The following PHACTR2 variants were observed in gnomAD, a reference collection of about 807,000 sequenced individuals.
PHACTR2 encodes the protein phosphatase and actin regulator 2.
In PHACTR2, 30 loss-of-function variants were observed where a neutral mutation model predicts 76.0. The observed-to-expected ratio is 0.39, with a 90% CI of 0.30 to 0.54. The LOEUF is 0.54. PHACTR2 is among the 20% of genes least tolerant of loss of function. The pLI is 0.61. For synonymous variants in PHACTR2, 292 were observed against 292.5 expected, an observed-to-expected ratio of 1.00 and a Z score of 0.02; for missense variants, 696 against 781.1, an observed-to-expected ratio of 0.89 and a Z score of 1.30.
In PHACTR2 at chr6:143,595,493, A is replaced by C. The variant is rs149720407; in HGVS notation, c.217+58286A>C. 1.1e-3 allele frequency among the ~76,000 whole-genome samples: 174 copies of C among 152,308 alleles called. 1 individual carries two copies. The highest frequency in any genetic ancestry group is 3.9e-3 in the African/African-American group (164 of 41,566). The stretch of plus-strand genomic sequence containing the variant: ...AGCTTAATTATTTAAATGTTTCCAG[A>C]CTCAAATGACTGATGAGCTAACATA... On this transcript the variant is annotated intron_variant, in intron 1 of 11. Transcript: ENST00000367584. The surrounding 1 kb of genome is among the most constrained non-coding windows in gnomAD (Gnocchi z 4.2).
rs1447206303 is a variant in PHACTR2 at position 143,821,881 on chromosome 6, C to T, written c.1923-1793C>T. On this transcript the variant is annotated intron_variant, in intron 12 of 12. Coordinates refer to ENST00000440869, the MANE Select transcript of PHACTR2 (RefSeq NM_001100164.2). This position sits in a 1 kb window ranked among gnomAD's most constrained non-coding sequence, Gnocchi z 5.2. ...TGGTGCATGCTTGTAGTTTCAGCTA[C>T]TTGGATGCTGAGGTGGGAGAATCAC... Among the ~76,000 whole-genome samples the T allele has an allele frequency of 1.3e-5, 2 of 152,146 alleles. No homozygotes were observed. Among genetic ancestry groups the T allele is most frequent in the Non-Finnish European group, 2.9e-5 (2 of 68,030 alleles).
chr6:143,616,904 C>G lies in PHACTR2; in HGVS notation c.13+8582C>G, dbSNP rs188866886. ...GCTGAGTGGCCGGCAAACACACACG[C>G]CCCCAGACAGGACGTTGACTGGGAT... On this transcript the variant is annotated intron_variant, in intron 1 of 11. Transcript: ENST00000305766. The surrounding 1 kb of genome is among the most constrained non-coding windows in gnomAD (Gnocchi z 4.9). 6.6e-6 allele frequency among the ~76,000 whole-genome samples: 1 copy of G among 152,066 alleles called. No individual in the cohort carries two copies. Among genetic ancestry groups the G allele is most frequent in the Non-Finnish European group, 1.5e-5 (1 of 68,026 alleles).
chr6:143,682,061 T>C (rs1179884985), intron 1 of PHACTR2, among the ~76,000 whole-genome samples: 2 of 152,234 alleles, frequency 1.3e-5, no homozygotes, highest in Non-Finnish European at 2.9e-5. Context: ...TTCCCTTACA[T>C]TTTCATATGA....
At chr6:143,657,801 C>T (rs1270259076) in intron 1 of PHACTR2, among the ~76,000 whole-genome samples, 1 of 152,090 alleles carries the variant, frequency 6.6e-6, no homozygotes, top group Non-Finnish European at 1.5e-5. Context: ...GTTGATCAGG[C>T]ATTGGATGTG....
At chr6:143,668,521 G>A (rs1224246895) in intron 1 of PHACTR2, among the ~76,000 whole-genome samples, 1 of 152,092 alleles carries the variant, frequency 6.6e-6, no homozygotes, top group Non-Finnish European at 1.5e-5. Context: ...TTTTTTGGTT[G>A]GTAGGCTATT....
rs1779256465 is a variant in PHACTR2 at position 143,754,488 on chromosome 6, C to T, written c.454+576C>T. 6.6e-6 allele frequency among the ~76,000 whole-genome samples: 1 copy of T among 152,170 alleles called. No individual in the cohort carries two copies. The highest frequency in any genetic ancestry group is 6.5e-5 in the Admixed American group (1 of 15,270). ...CTGGCTGATTCCCACAGCCTCTGTG[C>T]AATTGGAAACTTCAAAATGTGCCAG... On this transcript the variant is annotated intron_variant, in intron 4 of 12. Coordinates refer to ENST00000440869, the MANE Select transcript of PHACTR2 (RefSeq NM_001100164.2). This position sits in a 1 kb window ranked among gnomAD's most constrained non-coding sequence, Gnocchi z 6.2.
At chr6:143,587,696 G>T (rs1208071331) in intron 1 of PHACTR2, among the ~76,000 whole-genome samples, 1 of 152,066 alleles carries the variant, frequency 6.6e-6, no homozygotes, top group Non-Finnish European at 1.5e-5. Flanking sequence ...CATCCCATGG[G>T]AACTCTACCT....
At position 143,761,776 on chromosome 6, in the gene PHACTR2, T is replaced by C. The variant is rs1297407275; in HGVS notation, c.694+1136T>C. On this transcript the variant is annotated intron_variant, in intron 5 of 12. Transcript: ENST00000440869. This position sits in a 1 kb window ranked among gnomAD's most constrained non-coding sequence, Gnocchi z 5.2. ...CTCAAAAAAAAAAAATCTATTTTCC[T>C]TAAAATCAACAGCAACTTTCTAGCA... Among the ~76,000 whole-genome samples, 4 of 152,154 alleles carry C rather than the reference T, an allele frequency of 2.6e-5. No homozygotes were observed. Among genetic ancestry groups the C allele is most frequent in the Admixed American group, 2.6e-4 (4 of 15,276 alleles).
In PHACTR2 at chr6:143,548,545, CA is replaced by C. The variant is rs1775042166; in HGVS notation, c.217+11339del. The stretch of plus-strand genomic sequence containing the variant: ...GCTTCCCTTGGAATCCAATTCCACA[CA>C]CCAGCCTGGGCCAGGTAGCCATTCC... On this transcript the variant is annotated intron_variant, in intron 1 of 11. Coordinates refer to the PHACTR2 transcript ENST00000367584. The surrounding 1 kb of genome is among the most constrained non-coding windows in gnomAD (Gnocchi z 4.5). Among the ~76,000 whole-genome samples, 1 of 152,104 alleles carries C rather than the reference CA, an allele frequency of 6.6e-6. No homozygotes were observed. Among genetic ancestry groups the C allele is most frequent in the South Asian group, 2.1e-4 (1 of 4,826 alleles).
intron 1 of PHACTR2, among the ~76,000 whole-genome samples, chr6:143,586,652 A>G (rs1266565122): frequency 6.6e-6 from 1 of 152,256 alleles, no homozygotes; most frequent in Non-Finnish European, 1.5e-5. Context: ...TTTTAATTGC[A>G]TGAAGATTAA....
At chr6:143,649,645 C>T (rs112352229) in intron 1 of PHACTR2, among the ~76,000 whole-genome samples, 1,910 of 152,230 alleles carry the variant, frequency 0.013, 27 homozygotes, top group African/African-American at 0.044. Context: ...AATTCAACAT[C>T]GCTTCATGTT....
Position 143,825,129 on chromosome 6 carries a change from G to C in PHACTR2, c.*1440G>C, listed in dbSNP as rs1344271629. On this transcript the variant is annotated 3_prime_UTR_variant, in exon 13 of 13. Transcript: ENST00000440869. This position sits in a 1 kb window ranked among gnomAD's most constrained non-coding sequence, Gnocchi z 4.1. ...TTTCATTGTTCTTCACAAGTGCTTT[G>C]TGCCCCTTTAATTAAAAACACATGA... 2.0e-5 allele frequency: 3 copies of C among 152,510 alleles called. No homozygotes were observed. The highest frequency in any genetic ancestry group is 4.4e-5 in the Non-Finnish European group (3 of 68,024). The allele number at this position is 152,510 out of a possible 1,614,324, so 9.4% of individuals were successfully genotyped here.
rs1373451767 is a variant in PHACTR2 at position 143,811,876 on chromosome 6, C to T, written c.1922+4743C>T. Among the ~76,000 whole-genome samples the T allele has an allele frequency of 6.6e-6, 1 of 152,080 alleles. No individual in the cohort carries two copies. The highest frequency in any genetic ancestry group is 2.4e-5 in the African/African-American group (1 of 41,426). ...CCAGTTTTACATTTAGCAAATTGTTCATAAAAAAGGTGGTGGTACTCTTAG... is the reference window on the plus strand; with the variant it reads ...CCAGTTTTACATTTAGCAAATTGTTTATAAAAAAGGTGGTGGTACTCTTAG... On this transcript the variant is annotated intron_variant, in intron 12 of 12. Coordinates refer to ENST00000440869, the MANE Select transcript of PHACTR2 (RefSeq NM_001100164.2). This position sits in a 1 kb window ranked among gnomAD's most constrained non-coding sequence, Gnocchi z 4.1.
chr6:143,593,507 G>T (rs143404881), intron 1 of PHACTR2, among the ~76,000 whole-genome samples: 1 of 152,094 alleles, frequency 6.6e-6, no homozygotes, highest in Non-Finnish European at 1.5e-5. Context: ...TTTATTTTGG[G>T]GTTAAAGATA....
Position 143,765,849 on chromosome 6 carries a change from A to G in PHACTR2, c.1232+51A>G. 2 of 1,448,822 alleles carry G rather than the reference A, an allele frequency of 1.4e-6. No individual in the cohort carries two copies. Among genetic ancestry groups the G allele is most frequent in the East Asian group, 2.3e-5 (1 of 43,718 alleles). 89.7% of individuals were successfully genotyped at this position (1,448,822 alleles called of 1,614,324 possible). ...TTTATCTGAGAACTAAAGATCACTA[A>G]TATATTCTGTTGGAAATGAAGCACC... On this transcript the variant is annotated intron_variant, in intron 6 of 12. Transcript: ENST00000440869. The surrounding 1 kb of genome is among the most constrained non-coding windows in gnomAD (Gnocchi z 4.1).
rs1775999395 is a variant in PHACTR2, at chr6:143,803,264, G to C, written c.1846-3793G>C. 1.3e-5 allele frequency among the ~76,000 whole-genome samples: 2 copies of C among 152,212 alleles called. No homozygotes were observed. The highest frequency in any genetic ancestry group is 4.8e-5 in the African/African-American group (2 of 41,442). ...AGATTTTCAATGTGAAAATAAAATA[G>C]AGGCCGATTGCAGTGGCTCACGCCT... is the stretch of plus-strand genomic sequence containing the variant. On this transcript the variant is annotated intron_variant, in intron 11 of 12. Coordinates refer to ENST00000440869, the MANE Select transcript of PHACTR2 (RefSeq NM_001100164.2). This position sits in a 1 kb window ranked among gnomAD's most constrained non-coding sequence, Gnocchi z 4.7.
In PHACTR2 at chr6:143,751,941, G is replaced by C. The variant is rs1779191679; in HGVS notation, c.296-1813G>C. ...AATAACTTTACTTCCCCTCTGTTTT[G>C]TTCTTGAATTCCATATTTATCACAA... On this transcript the variant is annotated intron_variant, in intron 3 of 12. Coordinates refer to ENST00000440869, the MANE Select transcript of PHACTR2 (RefSeq NM_001100164.2). This position sits in a 1 kb window ranked among gnomAD's most constrained non-coding sequence, Gnocchi z 5.7. 6.6e-6 allele frequency among the ~76,000 whole-genome samples: 1 copy of C among 151,752 alleles called. No homozygotes were observed. Among genetic ancestry groups the C allele is most frequent in the Admixed American group, 6.6e-5 (1 of 15,224 alleles).
chr6:143,619,653 T>C lies in PHACTR2; in HGVS notation c.13+11331T>C, dbSNP rs1420926352. 6.6e-6 allele frequency among the ~76,000 whole-genome samples: 1 copy of C among 152,212 alleles called. No individual in the cohort carries two copies. The highest frequency in any genetic ancestry group is 2.4e-5 in the African/African-American group (1 of 41,454). On this transcript the variant is annotated intron_variant, in intron 1 of 11. Transcript: ENST00000305766. The surrounding 1 kb of genome is among the most constrained non-coding windows in gnomAD (Gnocchi z 4.5). ...TAGCTTTTGTATCATTAACTGAGAC[T>C]TGCTTAAAACTGTACACCCAACTTG...
Position 143,760,038 on chromosome 6 carries a change from T to C in PHACTR2, c.455-363T>C, listed in dbSNP as rs1664128157. The stretch of plus-strand genomic sequence containing the variant: ...AGGAGCCTTCAACTTTGTTAAATCA[T>C]TGTTTGTTCAATTTAAATGTAGCAC... On this transcript the variant is annotated intron_variant, in intron 4 of 12. Transcript: ENST00000440869. The surrounding 1 kb of genome is among the most constrained non-coding windows in gnomAD (Gnocchi z 6.4). Among the ~76,000 whole-genome samples, 1 of 152,184 alleles carries C rather than the reference T, an allele frequency of 6.6e-6. No homozygotes were observed. Among genetic ancestry groups the C allele is most frequent in the Non-Finnish European group, 1.5e-5 (1 of 68,040 alleles).
Sources: allele counts gnomAD v4.1 joint callset (sites outside exome capture counted in the v4.1 genomes callset), GRCh38; gene constraint gnomAD v4.1.1; non-coding constraint Gnocchi (gnomAD v3.1); transcripts MANE v1.5; gene names NCBI Gene and HGNC (gene_info 2026-07-23, HGNC 2026-07-21).